Variants in LDLRAD4 observed in about 807,000 individuals in gnomAD.
LDLRAD4 encodes the protein low-density lipoprotein receptor class A domain-containing protein 4.
A neutral mutation model predicts 17.0 loss-of-function variants in LDLRAD4; 5 were observed. That is an observed-to-expected ratio of 0.29 (90% CI 0.15 to 0.62). The LOEUF is 0.62. Ranked by LOEUF, LDLRAD4 falls within the 20% of genes least tolerant of loss-of-function variation. The pLI, the probability that LDLRAD4 is intolerant of heterozygous loss-of-function variation, is 0.84. For missense variants in LDLRAD4, 340 were observed against 424.7 expected (o/e 0.80, Z 1.75); for synonymous variants, 168 against 171.8 (o/e 0.98, Z 0.17).
chr18:13,345,809 G>A (rs866143053), intron 1 of LDLRAD4, among the ~76,000 whole-genome samples: 48 of 152,288 alleles, frequency 3.2e-4, no homozygotes, highest in Middle Eastern at 3.4e-3. Flanking sequence ...AGTCTTGGGA[G>A]GGTGTATGTG....
chr18:13,602,493 A>ATTTT (rs36122294), intron 3 of LDLRAD4, among the ~76,000 whole-genome samples: 2 of 94,992 alleles, frequency 2.1e-5, no homozygotes, highest in Non-Finnish European at 2.2e-5. Flanking sequence ...ATGGCATTTA[A>ATTTT]TTTTTTTTTT....
chr18:13,307,401 G>A (rs1169196893), intron 1 of LDLRAD4, among the ~76,000 whole-genome samples: 1 of 152,042 alleles, frequency 6.6e-6, no homozygotes, highest in Admixed American at 6.6e-5. Context: ...TCTTTCTTAT[G>A]ATTTTCTTTT....
intron 3 of LDLRAD4, among the ~76,000 whole-genome samples, chr18:13,517,492 C>A (rs780568387): frequency 7.9e-5 from 12 of 152,178 alleles, no homozygotes; most frequent in African/African-American, 1.2e-4. Context: ...GTGAGGCTTC[C>A]TTAGATGTCT....
intron 4 of LDLRAD4, among the ~76,000 whole-genome samples, chr18:13,632,044 G>A (rs2041711307): frequency 6.6e-6 from 1 of 152,214 alleles, no homozygotes; most frequent in Non-Finnish European, 1.5e-5. Context: ...ATGAAATTCA[G>A]TCAGTGTCAT....
At chr18:13,409,765 A>C (rs1200898690) in intron 2 of LDLRAD4, among the ~76,000 whole-genome samples, 1 of 152,232 alleles carries the variant, frequency 6.6e-6, no homozygotes. Flanking sequence ...TCACCATCAG[A>C]ACATCATAAT....
chr18:13,229,492 C>G (rs193224982), intron 1 of LDLRAD4, among the ~76,000 whole-genome samples: 1 of 152,310 alleles, frequency 6.6e-6, no homozygotes, highest in Non-Finnish European at 1.5e-5. Flanking sequence ...GAGACATCTG[C>G]CCTGCACTGG....
intron 2 of LDLRAD4, among the ~76,000 whole-genome samples, chr18:13,405,031 C>A (rs944020615): frequency 6.6e-6 from 1 of 151,838 alleles, no homozygotes; most frequent in Non-Finnish European, 1.5e-5. Context: ...GCAGTGGGAA[C>A]CCCTGGGAAG....
At chr18:13,369,755 A>G (rs2084323214) in intron 1 of LDLRAD4, among the ~76,000 whole-genome samples, 1 of 152,218 alleles carries the variant, frequency 6.6e-6, no homozygotes, top group African/African-American at 2.4e-5. Flanking sequence ...CATGCTCTTT[A>G]GATAAATATC....
chr18:13,321,291 A>G (rs4796976), intron 1 of LDLRAD4, among the ~76,000 whole-genome samples: 151,759 of 152,336 alleles, frequency 1, 75,594 homozygotes, highest in Middle Eastern at 1. Context: ...CCTCCTGAAC[A>G]TTATGAGTCT....
At chr18:13,585,746 A>G (rs1330874823) in intron 3 of LDLRAD4, among the ~76,000 whole-genome samples, 2 of 152,206 alleles carry the variant, frequency 1.3e-5, no homozygotes, top group African/African-American at 2.4e-5. Context: ...AATACCTCTT[A>G]CTGAACACAA....
chr18:13,479,554 G>C (rs1027865945), intron 3 of LDLRAD4, among the ~76,000 whole-genome samples: 2 of 152,108 alleles, frequency 1.3e-5, no homozygotes. Flanking sequence ...CCGGGAGGCG[G>C]AGGCTGCAGC....
chr18:13,279,523 A>G (rs2045117575), intron 1 of LDLRAD4: 1 of 152,256 alleles, frequency 6.6e-6, no homozygotes, highest in Admixed American at 6.5e-5. Context: ...GGAACACACC[A>G]CTGGACTATG....
intron 2 of LDLRAD4, among the ~76,000 whole-genome samples, chr18:13,432,648 C>T (rs1358589081): frequency 6.6e-6 from 1 of 152,210 alleles, no homozygotes; most frequent in Non-Finnish European, 1.5e-5. Flanking sequence ...TTCCTCTCCT[C>T]TTTCCTCTGC....
At chr18:13,347,276 A>G (rs1319918516) in intron 1 of LDLRAD4, among the ~76,000 whole-genome samples, 3 of 152,166 alleles carry the variant, frequency 2.0e-5, no homozygotes, top group Non-Finnish European at 4.4e-5. Context: ...GGTGGTGACA[A>G]AATCTCTCAG....
intron 3 of LDLRAD4, among the ~76,000 whole-genome samples, chr18:13,552,334 C>T (rs1346207512): frequency 1.3e-5 from 2 of 152,224 alleles, no homozygotes; most frequent in Admixed American, 1.3e-4. Flanking sequence ...CATCGAATCC[C>T]AGGGCTGCTG....
intron 1 of LDLRAD4, among the ~76,000 whole-genome samples, chr18:13,372,481 C>T (rs1191223682): frequency 1.3e-5 from 2 of 152,146 alleles, no homozygotes; most frequent in Non-Finnish European, 2.9e-5. Context: ...AAGATGAATG[C>T]AAGAAAAATA....
chr18:13,534,131 C>G (rs2094168639), intron 3 of LDLRAD4, among the ~76,000 whole-genome samples: 1 of 152,154 alleles, frequency 6.6e-6, no homozygotes, highest in African/African-American at 2.4e-5. Flanking sequence ...ACTTTGCCAC[C>G]TTGTTTAGGT....
At chr18:13,315,035 A>G (rs1365865477) in intron 1 of LDLRAD4, among the ~76,000 whole-genome samples, 1 of 152,176 alleles carries the variant, frequency 6.6e-6, no homozygotes, top group African/African-American at 2.4e-5. Context: ...CTTAAAGACT[A>G]GGGGAACCAA....
upstream of LDLRAD4, among the ~76,000 whole-genome samples, chr18:13,277,359 C>T (rs995825752): frequency 3.9e-5 from 6 of 152,206 alleles, no homozygotes; most frequent in African/African-American, 1.4e-4. Flanking sequence ...GCTGAGTTCA[C>T]CTGAAACTGC....
Sources: gnomAD v4.1 joint callset for allele counts (sites outside exome capture counted in the v4.1 genomes callset) on GRCh38, gnomAD v4.1.1 for gene constraint, MANE v1.5 for transcripts, NCBI Gene and HGNC (gene_info 2026-07-23, HGNC 2026-07-21) for gene names.